The following HNF1B variants were observed in gnomAD, a reference collection of about 807,000 sequenced individuals.
HNF1B encodes HNF1 homeobox B.
Under a neutral mutation model 61.7 loss-of-function variants are expected in HNF1B, and 8 were observed. The observed-to-expected ratio is 0.13, with a 90% confidence interval of 0.08 to 0.23. HNF1B has a LOEUF of 0.23. Ranked by LOEUF, HNF1B falls within the 10% of genes least tolerant of loss-of-function variation. HNF1B has a pLI of 1.00. For missense variants in HNF1B, 562 were observed against 714.5 expected (o/e 0.79, Z 2.43); for synonymous variants, 314 against 287.7 (o/e 1.09, Z -0.93).
intron 3 of HNF1B, among the ~76,000 whole-genome samples, chr17:37,733,329 G>C (rs1268262310): frequency 6.6e-6 from 1 of 152,286 alleles, no homozygotes; most frequent in Non-Finnish European, 1.5e-5. Context: ...GGGCTTCTCG[G>C]AACCTTTAAT....
At chr17:37,739,316 A>G in intron 2 of HNF1B, 124 bp downstream of exon 2, 1 of 897,760 alleles carries the variant, frequency 1.1e-6, no homozygotes, top group Non-Finnish European at 1.9e-6. Context: ...TCTACTTGCC[A>G]CCTTCCTCAT....
intron 8 of HNF1B, among the ~76,000 whole-genome samples, chr17:37,689,323 C>A (rs974656165): frequency 4.0e-4 from 61 of 152,192 alleles, no homozygotes; most frequent in African/African-American, 1.3e-3. Flanking sequence ...CCACTATCAG[C>A]CTTTTTCCAA....
At chr17:37,700,714 G>A (rs1220180619) in intron 7 of HNF1B, among the ~76,000 whole-genome samples, 1 of 152,172 alleles carries the variant, frequency 6.6e-6, no homozygotes, top group Non-Finnish European at 1.5e-5. Flanking sequence ...TGTTCCACAT[G>A]CTGTCTGGCT....
At chr17:37,732,622 G>A (rs1326877770) in intron 3 of HNF1B, among the ~76,000 whole-genome samples, 2 of 152,144 alleles carry the variant, frequency 1.3e-5, no homozygotes, top group East Asian at 3.9e-4. Context: ...CAATACTGGA[G>A]TCAGGGAGAA....
At chr17:37,731,315 G>A in intron 4 of HNF1B, 1 of 580,654 alleles carries the variant, frequency 1.7e-6, no homozygotes, top group Non-Finnish European at 3.1e-6. Context: ...CGCTGAGTCA[G>A]CAGCCACACA....
intron 4 of HNF1B, among the ~76,000 whole-genome samples, chr17:37,713,890 G>A (rs974196757): frequency 2.0e-5 from 3 of 152,212 alleles, no homozygotes; most frequent in Admixed American, 1.3e-4. Flanking sequence ...GGCGGGGTGG[G>A]GGCGCATCAC....
Position 37,744,903 on chromosome 17 carries a change from G to T in HNF1B, c.-19C>A, listed in dbSNP as rs1394175788. 4.6e-5 allele frequency: 29 copies of T among 625,188 alleles called. No homozygotes were observed. The highest frequency in any genetic ancestry group is 9.8e-5 in the East Asian group (2 of 20,430). The allele number at this position is 625,188 out of a possible 1,614,324, so 38.7% of individuals were successfully genotyped here. A position where few individuals can be genotyped will look rare whatever the true frequency, so the allele number is the denominator to read the frequency against. On this transcript the variant is annotated 5_prime_UTR_variant, in exon 1 of 9. Transcript: ENST00000617811. ...ACACCATTTTCCAAGGACGGAAAAA[G>T]AAGGGGGTGAGGGGGTGGGTGGGTG...
intron 1 of HNF1B, among the ~76,000 whole-genome samples, chr17:37,744,206 G>A (rs2034092187): frequency 6.6e-6 from 1 of 152,228 alleles, no homozygotes; most frequent in Admixed American, 6.5e-5. Context: ...CGGTTTCACT[G>A]CACCCACTCG....
chr17:37,694,517 G>A (rs1478833463), intron 8 of HNF1B, among the ~76,000 whole-genome samples: 3 of 149,040 alleles, frequency 2.0e-5, no homozygotes, highest in Non-Finnish European at 3.0e-5. Flanking sequence ...GGCAGAGATT[G>A]GGAGTTTGGA....
In HNF1B at chr17:37,702,472, G is replaced by A. The variant is rs576061184; in HGVS notation, c.1340-1295C>T. ...AACAGCACTGTCTCCAGTTCCCCAGGGGGCTCAGCGTCTCCTCAAGCCAGC... is the reference window on the plus strand; with the variant it reads ...AACAGCACTGTCTCCAGTTCCCCAGAGGGCTCAGCGTCTCCTCAAGCCAGC... On this transcript the variant is annotated intron_variant, in intron 6 of 8. Transcript: ENST00000617811. Among the ~76,000 whole-genome samples, 29 of 152,252 alleles carry A rather than the reference G, an allele frequency of 1.9e-4. 1 individual carries two copies. The East Asian group carries it at 5.6e-3, about 29-fold the overall frequency.
At chr17:37,692,642 T>C (rs988736195) in intron 8 of HNF1B, among the ~76,000 whole-genome samples, 3 of 152,242 alleles carry the variant, frequency 2.0e-5, no homozygotes, top group African/African-American at 7.2e-5. Flanking sequence ...TGTTATTTAC[T>C]GAACATCTAA....
At chr17:37,726,812 C>T (rs1346368315) in intron 4 of HNF1B, among the ~76,000 whole-genome samples, 1 of 152,114 alleles carries the variant, frequency 6.6e-6, no homozygotes, top group African/African-American at 2.4e-5. Flanking sequence ...GGTTCGGGAC[C>T]CCTGAAAGTC....
At chr17:37,698,765 AT>A (rs1276620609) in intron 8 of HNF1B, among the ~76,000 whole-genome samples, 1 of 152,158 alleles carries the variant, frequency 6.6e-6, no homozygotes, top group Non-Finnish European at 1.5e-5. Context: ...TCCATGGACC[AT>A]TGATCATTCT....
intron 8 of HNF1B, among the ~76,000 whole-genome samples, chr17:37,693,427 G>T (rs2032275465): frequency 6.6e-6 from 1 of 152,266 alleles, no homozygotes; most frequent in African/African-American, 2.4e-5. Flanking sequence ...CACATACCAG[G>T]GGGTGATGAA....
intron 6 of HNF1B, among the ~76,000 whole-genome samples, chr17:37,703,137 C>G (rs911828352): frequency 6.6e-6 from 1 of 152,200 alleles, no homozygotes; most frequent in Admixed American, 6.5e-5. Context: ...ATGCCTGCAA[C>G]CAGTTTCTCA....
intron 4 of HNF1B, among the ~76,000 whole-genome samples, chr17:37,725,130 T>C (rs2033455770): frequency 6.6e-6 from 1 of 152,190 alleles, no homozygotes; most frequent in South Asian, 2.1e-4. Flanking sequence ...CTCTCCAAGT[T>C]CCTGTCGCTT....
intron 3 of HNF1B, 147 bp downstream of exon 3, chr17:37,733,410 T>A (rs2033744179): frequency 3.3e-6 from 3 of 896,574 alleles, no homozygotes; most frequent in Non-Finnish European, 5.6e-6. Flanking sequence ...TGAATTGATA[T>A]TGGGGTTCTG....
intron 4 of HNF1B, among the ~76,000 whole-genome samples, chr17:37,719,101 G>A (rs1161211203): frequency 7.5e-6 from 1 of 133,440 alleles, no homozygotes; most frequent in African/African-American, 2.9e-5. Context: ...ACCATGCCTG[G>A]CTAATTTATT....
intron 4 of HNF1B, among the ~76,000 whole-genome samples, chr17:37,716,841 A>ACTCTCTCTCTCTCTCTCTCT (rs1177165771): frequency 1.3e-5 from 1 of 76,834 alleles, no homozygotes; most frequent in African/African-American, 5.9e-5. Flanking sequence ...ACACTTTAAC[A>ACTCTCTCTCTCTCTCTCTCT]ATCTCTCTCT....
Sources: allele counts gnomAD v4.1 joint callset (sites outside exome capture counted in the v4.1 genomes callset), GRCh38; gene constraint gnomAD v4.1.1; transcripts MANE v1.5; gene names NCBI Gene and HGNC (gene_info 2026-07-23, HGNC 2026-07-21).